Variants in PRSS8 observed in about 807,000 individuals in gnomAD.
The protein encoded by PRSS8 is serine protease 8.
Under a neutral mutation model 26.7 loss-of-function variants are expected in PRSS8, and 11 were observed. The observed-to-expected ratio is 0.41, with a 90% CI of 0.26 to 0.68. PRSS8 has a LOEUF of 0.68. Among genes scored for constraint, PRSS8 ranks in the 30% least tolerant of loss-of-function variants. PRSS8 has a pLI of 0.30. For missense variants in PRSS8, 362 were observed against 443.5 expected (o/e 0.82, Z 1.65); for synonymous variants, 183 against 187.0 (o/e 0.98, Z 0.17).
Position 31,132,015 on chromosome 16 carries a change from C to T in PRSS8, c.1026G>A (p.Glu342=), listed in dbSNP as rs573378294. The change falls in exon 6 of 6, where the codon GAG becomes GAA. Residue 342 remains glutamate (E), a synonymous_variant. Coordinates refer to ENST00000317508, the MANE Select transcript of PRSS8 (RefSeq NM_002773.5). The surrounding 1 kb of genome is among the most constrained non-coding windows in gnomAD (Gnocchi z 5.2). ...ALGLLSPWLS[E]H The stretch of plus-strand genomic sequence containing the variant: ...TCCTGGAAGTAGGGCCAGCTCAGTG[C>T]TCGCTGAGCCATGGGGAGAGGAGGC... The T allele has an allele frequency of 1.1e-5, 17 of 1,566,272 alleles. No individual in the cohort carries two copies. In the East Asian group the frequency reaches 3.3e-4, roughly 30 times the overall value.
intron 1 of PRSS8, 75 bp downstream of exon 1, chr16:31,135,339 G>A (rs577134783): frequency 6.4e-7 from 1 of 1,574,016 alleles, no homozygotes; most frequent in Admixed American, 1.8e-5. Context: ...CCCAGACAAG[G>A]GCACACCCCA....
At position 31,133,751 on chromosome 16, in the gene PRSS8, C is replaced by G. The variant is rs2057592726; in HGVS notation, c.104-363G>C. On this transcript the variant is annotated intron_variant, in intron 2 of 5. Transcript: ENST00000317508. This position sits in a 1 kb window ranked among gnomAD's most constrained non-coding sequence, Gnocchi z 4.7. ...TCGGACCCAGCCGTCCCCTCTGGACCCTTCAGTTGTGTACATCAGGCCACA... is the reference window on the plus strand; with the variant it reads ...TCGGACCCAGCCGTCCCCTCTGGACGCTTCAGTTGTGTACATCAGGCCACA... Among the ~76,000 whole-genome samples, 1 of 152,204 alleles carries G rather than the reference C, an allele frequency of 6.6e-6. No homozygotes were observed. The highest frequency in any genetic ancestry group is 1.5e-5 in the Non-Finnish European group (1 of 68,036).
chr16:31,135,525 G>A lies in PRSS8; in HGVS notation c.-27C>T. On this transcript the variant is annotated 5_prime_UTR_variant, in exon 1 of 6. Transcript: ENST00000317508. ...GCCCAGGACAAGGGCCCCTGGGGCA[G>A]ACTCCAGGCACGCAAGGTAGGAAGC... 6.6e-7 allele frequency: 1 copy of A among 1,510,698 alleles called. No homozygotes were observed. Among genetic ancestry groups the A allele is most frequent in the Non-Finnish European group, 8.9e-7 (1 of 1,128,488 alleles). The allele number at this position is 1,510,698 out of a possible 1,614,324, so 93.6% of individuals were successfully genotyped here.
rs2144007338 is a variant in PRSS8 at position 31,135,653 on chromosome 16, G to A, written c.-155C>T. 3.0e-6 allele frequency: 2 copies of A among 666,404 alleles called. No homozygotes were observed. Among genetic ancestry groups the A allele is most frequent in the East Asian group, 5.5e-5 (2 of 36,488 alleles). The allele number at this position is 666,404 out of a possible 1,614,324, so 41.3% of individuals were successfully genotyped here. ...GCAAGTGTCCAAGGCTGGCCTCTAAGGCAGGGAGCGGCCGCAACGGGAGAC... is the reference window on the plus strand; with the variant it reads ...GCAAGTGTCCAAGGCTGGCCTCTAAAGCAGGGAGCGGCCGCAACGGGAGAC... On this transcript the variant is annotated 5_prime_UTR_variant, in exon 1 of 6. Transcript: ENST00000317508.
Position 31,132,141 on chromosome 16 carries a change from C to T in PRSS8, c.900G>A (p.Gln300=). ...GGCTGCCACAGAGGTTGCTGTCGGG[C>T]TGGGACTCCTGGGTTTGGGGCACCA... ...PRVVPQTQES[Q]PDSNLCGSHL... is the part of the protein sequence containing the mutation. Residue 300 remains glutamine (Q), a synonymous_variant, in exon 6 of 6, where the codon CAG becomes CAA. Coordinates refer to ENST00000317508, the MANE Select transcript of PRSS8 (RefSeq NM_002773.5). This position sits in a 1 kb window ranked among gnomAD's most constrained non-coding sequence, Gnocchi z 5.2. 6.2e-7 allele frequency: 1 copy of T among 1,613,750 alleles called. No individual in the cohort carries two copies. Among genetic ancestry groups the T allele is most frequent in the East Asian group, 2.2e-5 (1 of 44,878 alleles).
At position 31,131,526 on chromosome 16, in the gene PRSS8, T is replaced by G; in HGVS notation, c.*483A>C. On this transcript the variant is annotated 3_prime_UTR_variant, in exon 6 of 6. Transcript: ENST00000317508. ...CCGGTGGGGGCTCAGTCCTCCGGAG[T>G]CCAGGAGTCAGGGCTCGGGGGCGCT... 1 of 549,672 alleles carries G rather than the reference T, an allele frequency of 1.8e-6. No homozygotes were observed. The highest frequency in any genetic ancestry group is 3.2e-6 in the Non-Finnish European group (1 of 311,640). 34.0% of individuals were successfully genotyped at this position (549,672 alleles called of 1,614,324 possible). A position where few individuals can be genotyped will look rare whatever the true frequency, so the allele number is the denominator to read the frequency against.
chr16:31,131,563 G>A lies in PRSS8; in HGVS notation c.*446C>T, dbSNP rs1433805257. ...GGCTCGGGGGCGCTCAGCGGCCAGT[G>A]GGCAAGATTGGGGCCTTTCCTGTCC... On this transcript the variant is annotated 3_prime_UTR_variant, in exon 6 of 6. Transcript: ENST00000317508. The A allele has an allele frequency of 2.0e-6, 1 of 512,428 alleles. No individual in the cohort carries two copies. Among genetic ancestry groups the A allele is most frequent in the African/African-American group, 1.9e-5 (1 of 51,836 alleles). The allele number at this position is 512,428 out of a possible 1,614,324, so 31.7% of individuals were successfully genotyped here.
chr16:31,135,482 A>C lies in PRSS8; in HGVS notation c.17T>G (p.Val6Gly), dbSNP rs1367273540. 6 of 1,573,270 alleles carry C rather than the reference A, an allele frequency of 3.8e-6. No individual in the cohort carries two copies. The highest frequency in any genetic ancestry group is 3.5e-5 in the South Asian group (3 of 85,844). The change falls in exon 1 of 6, where the codon GTC becomes GGC. Residue 6 changes from valine to glycine, a missense_variant. By Grantham distance (109) the Val-to-Gly change is moderately radical. Coordinates refer to ENST00000317508, the MANE Select transcript of PRSS8 (RefSeq NM_002773.5). MAQKGVLGPGQLGAVA... is the reference protein window; with the variant it reads MAQKGGLGPGQLGAVA... Reference sequence around the variant, plus strand: ...AGCCCCCAGCTGCCCAGGCCCCAGGACCCCCTTCTGGGCCATGGCCCAGGA... The same window carrying C: ...AGCCCCCAGCTGCCCAGGCCCCAGGCCCCCCTTCTGGGCCATGGCCCAGGA...
chr16:31,131,705 G>T lies in PRSS8; in HGVS notation c.*304C>A. Reference sequence around the variant, plus strand: ...CTTCCAGAAACAGGTGGGAGCCAGGGCTCATTTTCATAGCCAAGGGTCCCA... The same window carrying T: ...CTTCCAGAAACAGGTGGGAGCCAGGTCTCATTTTCATAGCCAAGGGTCCCA... On this transcript the variant is annotated 3_prime_UTR_variant, in exon 6 of 6. Transcript: ENST00000317508. 1 of 430,712 alleles carries T rather than the reference G, an allele frequency of 2.3e-6. No individual in the cohort carries two copies. The highest frequency in any genetic ancestry group is 3.9e-5 in the South Asian group (1 of 25,736). 26.7% of individuals were successfully genotyped at this position (430,712 alleles called of 1,614,324 possible). A position where few individuals can be genotyped will look rare whatever the true frequency, so the allele number is the denominator to read the frequency against.
rs532634241 is a variant in PRSS8, at chr16:31,133,828, C to G, written c.104-440G>C. The stretch of plus-strand genomic sequence containing the variant: ...ATCCAGGTCACTCTACCTGGTATGC[C>G]CTTCCCCATCCTTACTGTCTGGCAA... On this transcript the variant is annotated intron_variant, in intron 2 of 5. Coordinates refer to ENST00000317508, the MANE Select transcript of PRSS8 (RefSeq NM_002773.5). This position sits in a 1 kb window ranked among gnomAD's most constrained non-coding sequence, Gnocchi z 4.7. Among the ~76,000 whole-genome samples, 1 of 152,292 alleles carries G rather than the reference C, an allele frequency of 6.6e-6. No individual in the cohort carries two copies. Among genetic ancestry groups the G allele is most frequent in the African/African-American group, 2.4e-5 (1 of 41,566 alleles).
Position 31,132,599 on chromosome 16 carries a change from T to G in PRSS8, c.539-4A>C, listed in dbSNP as rs762338948. On this transcript the variant is annotated splice_region_variant and splice_polypyrimidine_tract_variant and intron_variant, in intron 4 of 5. Coordinates refer to ENST00000317508, the MANE Select transcript of PRSS8 (RefSeq NM_002773.5). This position sits in a 1 kb window ranked among gnomAD's most constrained non-coding sequence, Gnocchi z 5.2. ...GGCTTGGGCGTCAGGAGGCTCACTG[T>G]GGGGGTAAAAGAGGCTTACCCTGGG... 1.7e-4 allele frequency: 281 copies of G among 1,613,812 alleles called. No individual in the cohort carries two copies. The highest frequency in any genetic ancestry group is 2.3e-4 in the Non-Finnish European group (268 of 1,179,834).
rs117502363 is a variant in PRSS8 at position 31,131,768 on chromosome 16, G to A, written c.*241C>T. ...GAGCTCGGCCAATGGGCTGGTCCAT[G>A]GTGGGTGAGGGGCCAGAGGCTCTGG... On this transcript the variant is annotated 3_prime_UTR_variant, in exon 6 of 6. Transcript: ENST00000317508. The A allele has an allele frequency of 2.7e-5, 14 of 524,628 alleles. No homozygotes were observed. The highest frequency in any genetic ancestry group is 4.7e-5 in the Non-Finnish European group (14 of 297,312). 32.5% of individuals were successfully genotyped at this position (524,628 alleles called of 1,614,324 possible).
chr16:31,132,024 C>A lies in PRSS8; in HGVS notation c.1017G>T (p.Trp339Cys). 1 of 1,580,220 alleles carries A rather than the reference C, an allele frequency of 6.3e-7. No homozygotes were observed. The stretch of plus-strand genomic sequence containing the variant: ...TAGGGCCAGCTCAGTGCTCGCTGAG[C>A]CATGGGGAGAGGAGGCCCAGAGCCA... ...LGLALGLLSP[W>C]LSEH Residue 339 changes from tryptophan (W) to cysteine (C), a missense_variant, in exon 6 of 6, where the codon TGG becomes TGT. By Grantham distance (215) the Trp-to-Cys change is radical. Coordinates refer to ENST00000317508, the MANE Select transcript of PRSS8 (RefSeq NM_002773.5). The surrounding 1 kb of genome is among the most constrained non-coding windows in gnomAD (Gnocchi z 5.2).
rs1251840375 is a variant in PRSS8, at chr16:31,135,401, C to A, written c.85+13G>T. The A allele has an allele frequency of 1.3e-6, 2 of 1,588,284 alleles. No homozygotes were observed. Among genetic ancestry groups the A allele is most frequent in the Non-Finnish European group, 1.7e-6 (2 of 1,167,754 alleles). On this transcript the variant is annotated intron_variant, in intron 1 of 5. Coordinates refer to ENST00000317508, the MANE Select transcript of PRSS8 (RefSeq NM_002773.5). ...GTGCATTGTCCCCACCCTGCCCCCA[C>A]GTCCTCACTTACCTGTCCCCGACCG... is the stretch of plus-strand genomic sequence containing the variant.
Position 31,135,403 on chromosome 16 carries a change from TCCTCACTTA to T in PRSS8, c.85+2_85+10del, listed in dbSNP as rs763451383. 6.3e-7 allele frequency: 1 copy of T among 1,589,486 alleles called. No individual in the cohort carries two copies. The highest frequency in any genetic ancestry group is 8.6e-7 in the Non-Finnish European group (1 of 1,168,452). ...GCATTGTCCCCACCCTGCCCCCACG[TCCTCACTTA>T]CCTGTCCCCGACCGGAGTAATCCAA... On this transcript the variant is annotated splice_donor_variant and splice_donor_5th_base_variant and intron_variant, in intron 1 of 5. Transcript: ENST00000317508. LOFTEE classifies it high-confidence loss of function.
rs756895944 is a variant in PRSS8, at chr16:31,132,851, G to A, written c.369C>T (p.His123=). Residue 123 remains histidine (H), a synonymous_variant, in exon 4 of 6, where the codon CAC becomes CAT. Transcript: ENST00000317508. The surrounding 1 kb of genome is among the most constrained non-coding windows in gnomAD (Gnocchi z 5.2). ...KVSTLKDIIP[H]PSYLQEGSQG... is the part of the protein sequence containing the mutation. ...GGGAGCCCTCCTGGAGGTAGCTGGG[G>A]TGGGGGATGATGTCCTTCAGGGTGC... 2 of 1,613,874 alleles carry A rather than the reference G, an allele frequency of 1.2e-6. No homozygotes were observed. Among genetic ancestry groups the A allele is most frequent in the Non-Finnish European group, 1.7e-6 (2 of 1,179,846 alleles).
intron 2 of PRSS8, 35 bp downstream of exon 2, chr16:31,135,119 C>T (rs937153281): frequency 1.3e-5 from 21 of 1,608,612 alleles, no homozygotes; most frequent in Non-Finnish European, 1.7e-5. Flanking sequence ...AAGTCACCTC[C>T]CCCTCCCCTC....
rs2057579595 is a variant in PRSS8, at chr16:31,131,497, A to G, written c.*512T>C. On this transcript the variant is annotated 3_prime_UTR_variant, in exon 6 of 6. Transcript: ENST00000317508. ...CCACCCCAGATCCAAGCGCCAGCCC[A>G]GTTCCGGTGGGGGCTCAGTCCTCCG... 1.7e-6 allele frequency: 1 copy of G among 585,792 alleles called. No homozygotes were observed. Among genetic ancestry groups the G allele is most frequent in the Non-Finnish European group, 3.0e-6 (1 of 335,482 alleles). 36.3% of individuals were successfully genotyped at this position (585,792 alleles called of 1,614,324 possible). A position where few individuals can be genotyped will look rare whatever the true frequency, so the allele number is the denominator to read the frequency against.
Position 31,135,428 on chromosome 16 carries a change from A to T in PRSS8, c.71T>A (p.Leu24His). The change falls in exon 1 of 6, where the codon CTC (leucine) becomes CAC (histidine). Residue 24 changes from leucine (L) to histidine (H), a missense_variant. Transcript: ENST00000317508. Reference sequence around the variant, plus strand: ...TCCTCACTTACCTGTCCCCGACCGGAGTAATCCAAGATAGAGCAGAATGGC... The same window carrying T: ...TCCTCACTTACCTGTCCCCGACCGGTGTAATCCAAGATAGAGCAGAATGGC... ...AVAILLYLGL[L>H]RSGTGAEGAE... 6.3e-7 allele frequency: 1 copy of T among 1,594,800 alleles called. No homozygotes were observed. Among genetic ancestry groups the T allele is most frequent in the Non-Finnish European group, 8.5e-7 (1 of 1,171,248 alleles).
Sources: allele counts gnomAD v4.1 joint callset (sites outside exome capture counted in the v4.1 genomes callset), GRCh38; gene constraint gnomAD v4.1.1; non-coding constraint Gnocchi (gnomAD v3.1); transcripts MANE v1.5; gene names NCBI Gene and HGNC (gene_info 2026-07-23, HGNC 2026-07-21).